The following NLK variants were observed in gnomAD, a reference collection of about 807,000 sequenced individuals.
NLK encodes nemo like kinase.
A neutral mutation model predicts 59.0 loss-of-function variants in NLK; 11 were observed. The ratio of observed to expected loss-of-function variants is 0.19; its 90% CI spans 0.12 to 0.31. The LOEUF (loss-of-function observed/expected upper bound fraction) is 0.31. Ranked by LOEUF, NLK falls within the 10% of genes least tolerant of loss-of-function variation. NLK has a pLI of 1.00. For missense variants in NLK, 410 were observed against 661.1 expected (o/e 0.62, Z 4.16); for synonymous variants, 235 against 235.9 (o/e 1.00, Z 0.03).
chr17:28,044,700 GAAC>G (rs1908994537), intron 1 of NLK, among the ~76,000 whole-genome samples: 1 of 152,184 alleles, frequency 6.6e-6, no homozygotes, highest in South Asian at 2.1e-4. Flanking sequence ...ATTTAACTGT[GAAC>G]TTATCCTTGC....
intron 1 of NLK, among the ~76,000 whole-genome samples, chr17:28,063,408 G>A (rs1909731980): frequency 6.6e-6 from 1 of 151,852 alleles, no homozygotes; most frequent in African/African-American, 2.4e-5. Flanking sequence ...TAAAATCGAG[G>A]ATGATTTATA....
In NLK at chr17:28,042,900, C is replaced by T; in HGVS notation, c.27C>T (p.Asn9=). The change falls in exon 1 of 11, where the codon AAC becomes AAT. Residue 9 remains asparagine (N), a synonymous_variant. Coordinates refer to ENST00000407008, the MANE Select transcript of NLK (RefSeq NM_016231.5). MSLCGARA[N]AKMMAAYNGG... is the part of the protein sequence containing the mutation. Reference sequence around the variant, plus strand: ...TGTCTCTTTGTGGCGCAAGAGCCAACGCAAAAATGATGGCGGCTTACAATG... The same window carrying T: ...TGTCTCTTTGTGGCGCAAGAGCCAATGCAAAAATGATGGCGGCTTACAATG... The T allele has an allele frequency of 6.5e-7, 1 of 1,527,522 alleles. No homozygotes were observed. Among genetic ancestry groups the T allele is most frequent in the Non-Finnish European group, 8.8e-7 (1 of 1,132,908 alleles). 94.6% of individuals were successfully genotyped at this position (1,527,522 alleles called of 1,614,324 possible).
At chr17:28,045,956 C>T (rs936710653) in intron 1 of NLK, among the ~76,000 whole-genome samples, 5 of 152,126 alleles carry the variant, frequency 3.3e-5, no homozygotes, top group African/African-American at 7.2e-5. Flanking sequence ...AACTAACTAC[C>T]GGGGTATTAT....
intron 1 of NLK, 78 bp from the exon 2 acceptor site, chr17:28,122,525 T>G (rs1170989385): frequency 2.0e-6 from 3 of 1,470,034 alleles, no homozygotes; most frequent in Admixed American, 3.5e-5. Flanking sequence ...ATTGTCATGA[T>G]CTGAAACATT....
intron 6 of NLK, among the ~76,000 whole-genome samples, chr17:28,169,294 G>T (rs2142054963): frequency 6.6e-6 from 1 of 152,294 alleles, no homozygotes; most frequent in South Asian, 2.1e-4. Context: ...TAAGTGAATG[G>T]CTCTGACTTG....
At chr17:28,045,787 A>T (rs932212862) in intron 1 of NLK, among the ~76,000 whole-genome samples, 2 of 152,302 alleles carry the variant, frequency 1.3e-5, no homozygotes, top group South Asian at 4.1e-4. Context: ...CCCAAGGTAA[A>T]GATATTAGTG....
At chr17:28,084,762 C>T (rs1296079587) in intron 1 of NLK, among the ~76,000 whole-genome samples, 1 of 152,170 alleles carries the variant, frequency 6.6e-6, no homozygotes, top group African/African-American at 2.4e-5. Flanking sequence ...TGGGGTTTCA[C>T]CACGTTGGCC....
At chr17:28,103,573 T>G (rs777731436) in intron 1 of NLK, among the ~76,000 whole-genome samples, 1 of 152,228 alleles carries the variant, frequency 6.6e-6, no homozygotes, top group Non-Finnish European at 1.5e-5. Context: ...TTTGGAAATA[T>G]GCATAGATTT....
rs80143896 is a variant in NLK at position 28,096,893 on chromosome 17, A to G, written c.459-25710A>G. ...AAAATAAGAGGTGTATTCTTCTTCC[A>G]GTAGTTGCCTTGTAGCATGCATAAG... On this transcript the variant is annotated intron_variant, in intron 1 of 10. Transcript: ENST00000407008. 4.0e-3 allele frequency among the ~76,000 whole-genome samples: 602 copies of G among 152,314 alleles called. 9 individuals are homozygous for G. The highest frequency in any genetic ancestry group is 0.014 in the African/African-American group (579 of 41,578).
chr17:28,169,942 A>G (rs1908397555), intron 6 of NLK, among the ~76,000 whole-genome samples: 1 of 152,164 alleles, frequency 6.6e-6, no homozygotes, highest in African/African-American at 2.4e-5. Flanking sequence ...AAATATGCAA[A>G]TAAATATGAT....
At chr17:28,081,306 C>T (rs1473814437) in intron 1 of NLK, among the ~76,000 whole-genome samples, 2 of 151,754 alleles carry the variant, frequency 1.3e-5, no homozygotes, top group East Asian at 3.9e-4. Flanking sequence ...AGGCTCAAGT[C>T]TCCTGAGTAA....
In NLK at chr17:28,060,824, A is replaced by C. The variant is rs113350815; in HGVS notation, c.458+17493A>C. 8.8e-3 allele frequency among the ~76,000 whole-genome samples: 1,336 copies of C among 152,312 alleles called. 21 individuals are homozygous for C. Among genetic ancestry groups the C allele is most frequent in the African/African-American group, 0.03 (1,258 of 41,562 alleles). On this transcript the variant is annotated intron_variant, in intron 1 of 10. Transcript: ENST00000407008. ...TTTTTATGATAGCATGGATGGATGG[A>C]GTCTTGATTGGAGAGCAGTTTCGCA...
rs543956889 is a variant in NLK at position 28,079,265 on chromosome 17, A to G, written c.458+35934A>G. ...TGTATATACCGTATTTTCTTTATTT[A>G]TCCATTGATAGACAGATGTTTCCAT... is the stretch of plus-strand genomic sequence containing the variant. On this transcript the variant is annotated intron_variant, in intron 1 of 10. Coordinates refer to ENST00000407008, the MANE Select transcript of NLK (RefSeq NM_016231.5). Among the ~76,000 whole-genome samples the G allele has an allele frequency of 9.5e-4, 145 of 152,280 alleles. 1 individual carries two copies. Among genetic ancestry groups the G allele is most frequent in the African/African-American group, 3.4e-3 (143 of 41,558 alleles).
intron 1 of NLK, among the ~76,000 whole-genome samples, chr17:28,118,390 C>T (rs1905874203): frequency 6.6e-6 from 1 of 152,132 alleles, no homozygotes; most frequent in Non-Finnish European, 1.5e-5. Flanking sequence ...CTTTGAATAG[C>T]TAAAAACATG....
intron 2 of NLK, 88 bp from the exon 3 acceptor site, chr17:28,132,532 A>G (rs1424343747): frequency 1.0e-5 from 10 of 953,534 alleles, no homozygotes; most frequent in Admixed American, 2.2e-5. Flanking sequence ...TTAAAGCATT[A>G]AAGAGTTGTT....
intron 2 of NLK, among the ~76,000 whole-genome samples, chr17:28,124,921 T>C (rs1282940988): frequency 6.6e-6 from 1 of 151,920 alleles, no homozygotes; most frequent in African/African-American, 2.4e-5. Flanking sequence ...TGGTGGCACA[T>C]GCCTATAGTC....
chr17:28,077,005 T>C (rs1790193108), intron 1 of NLK, among the ~76,000 whole-genome samples: 2 of 151,988 alleles, frequency 1.3e-5, no homozygotes, highest in Admixed American at 6.6e-5. Context: ...TAAATTGATG[T>C]TTTCTTTAGT....
downstream of NLK, among the ~76,000 whole-genome samples, chr17:28,200,011 G>A (rs2142080085): frequency 6.6e-6 from 1 of 152,306 alleles, no homozygotes; most frequent in Non-Finnish European, 1.5e-5. Context: ...CTGGCAAAGA[G>A]AGGTGATCCG....
the NLK span, among the ~76,000 whole-genome samples, chr17:28,201,454 G>A: frequency 6.9e-6 from 1 of 144,452 alleles, no homozygotes; most frequent in Non-Finnish European, 1.5e-5. Context: ...GGCTGAGGAA[G>A]AATAGCTTGA....
Sources: gnomAD v4.1 joint callset for allele counts (sites outside exome capture counted in the v4.1 genomes callset) on GRCh38, gnomAD v4.1.1 for gene constraint, MANE v1.5 for transcripts, NCBI Gene and HGNC (gene_info 2026-07-23, HGNC 2026-07-21) for gene names.